The following OSBP2 variants were observed in gnomAD, a reference collection of about 807,000 sequenced individuals.
The protein encoded by OSBP2 is oxysterol-binding protein 2.
A neutral mutation model predicts 96.0 loss-of-function variants in OSBP2; 66 were observed. The ratio of observed to expected loss-of-function variants is 0.69; its 90% CI spans 0.56 to 0.84. The LOEUF (loss-of-function observed/expected upper bound fraction) is 0.84. Among genes scored for constraint, OSBP2 ranks in the 40% least tolerant of loss-of-function variants. The probability of loss-of-function intolerance (pLI) is 0.00; values close to 1 mark genes in which losing one functional copy is unlikely to be tolerated. For synonymous variants in OSBP2, 525 were observed against 520.9 expected, an observed-to-expected ratio of 1.01 and a Z score of -0.11; for missense variants, 1,038 against 1,222.7, an observed-to-expected ratio of 0.85 and a Z score of 2.25.
chr22:30,707,893 C>CTTT (rs978279814), intron 1 of OSBP2, among the ~76,000 whole-genome samples: 3 of 144,956 alleles, frequency 2.1e-5, no homozygotes, highest in Admixed American at 1.4e-4. Context: ...TTTCTTTTTT[C>CTTT]TTTTTTTTTT....
rs2091087740 is a variant in OSBP2, at chr22:30,816,669, GC to G, written c.854-53758del. On this transcript the variant is annotated intron_variant, in intron 2 of 13. Transcript: ENST00000332585. ...GCAGAGGGCACGTGTGGACAGTCAG[GC>G]CTAGGCACCACCCCTAGCTTTTCCC... 2.0e-5 allele frequency among the ~76,000 whole-genome samples: 3 copies of G among 152,180 alleles called. No homozygotes were observed. In the South Asian group the frequency reaches 6.2e-4, roughly 31 times the overall value.
chr22:30,706,933 T>A lies in OSBP2; in HGVS notation c.644+11380T>A, dbSNP rs555406861. Among the ~76,000 whole-genome samples the A allele has an allele frequency of 2.0e-5, 3 of 152,274 alleles. No homozygotes were observed. In the East Asian group the frequency reaches 5.8e-4, roughly 29 times the overall value. ...TCCTTCTTCTGGATGCCTTTTTGTG[T>A]ATTTCATTTGGCCATGCACCCCATC... On this transcript the variant is annotated intron_variant, in intron 1 of 13. Coordinates refer to ENST00000332585, the MANE Select transcript of OSBP2 (RefSeq NM_030758.4).
At chr22:30,893,268 G>A (rs778968729) in intron 9 of OSBP2, 26 bp downstream of exon 9, 1 of 1,613,812 alleles carries the variant, frequency 6.2e-7, no homozygotes, top group South Asian at 1.1e-5. Flanking sequence ...GTGCCTTCCT[G>A]GGACACAGAG....
At chr22:30,872,619 C>T (rs2039482175) in intron 3 of OSBP2, 2 of 353,314 alleles carry the variant, frequency 5.7e-6, no homozygotes, top group Admixed American at 3.8e-5. Context: ...GAAGCTGTGC[C>T]CTGGGCTGGG....
intron 2 of OSBP2, among the ~76,000 whole-genome samples, chr22:30,815,264 CAG>C (rs1283870198): frequency 3.9e-5 from 6 of 152,192 alleles, no homozygotes; most frequent in Non-Finnish European, 7.3e-5. Context: ...GCCTGGGTAA[CAG>C]AGTGAGACCT....
At chr22:30,725,562 A>AC (rs913331559) in intron 1 of OSBP2, among the ~76,000 whole-genome samples, 8 of 149,220 alleles carry the variant, frequency 5.4e-5, no homozygotes, top group African/African-American at 2.0e-4. Context: ...AAAAACACAC[A>AC]AAAAAAACAA....
chr22:30,878,582 G>T (rs1210388158), intron 3 of OSBP2, among the ~76,000 whole-genome samples: 1 of 152,204 alleles, frequency 6.6e-6, no homozygotes, highest in African/African-American at 2.4e-5. Context: ...CAGTGAGTGG[G>T]CAGAGCTAGC....
chr22:30,776,454 A>G (rs557347243), intron 2 of OSBP2, among the ~76,000 whole-genome samples: 243 of 152,200 alleles, frequency 1.6e-3, no homozygotes, highest in African/African-American at 5.4e-3. Flanking sequence ...GGTGCATGAT[A>G]TTTCATTAAA....
intron 3 of OSBP2, among the ~76,000 whole-genome samples, chr22:30,878,800 G>A (rs1375807325): frequency 6.6e-6 from 1 of 152,160 alleles, no homozygotes; most frequent in Non-Finnish European, 1.5e-5. Context: ...ACATCCTGAT[G>A]GCAAGGACAT....
chr22:30,892,732 C>G (rs537187887), intron 8 of OSBP2, among the ~76,000 whole-genome samples: 1 of 152,148 alleles, frequency 6.6e-6, no homozygotes, highest in Non-Finnish European at 1.5e-5. Flanking sequence ...CTTGGTATAA[C>G]ATGGCACAGC....
At chr22:30,704,014 T>C (rs1429861215) in intron 1 of OSBP2, among the ~76,000 whole-genome samples, 1 of 152,142 alleles carries the variant, frequency 6.6e-6, no homozygotes, top group Non-Finnish European at 1.5e-5. Flanking sequence ...TGGAAGCACA[T>C]GAACAGCACG....
intron 2 of OSBP2, among the ~76,000 whole-genome samples, chr22:30,827,909 G>A (rs1449589223): frequency 6.6e-6 from 1 of 152,218 alleles, no homozygotes; most frequent in Non-Finnish European, 1.5e-5. Context: ...TCAAGGAAGA[G>A]AGATGACTTT....
At chr22:30,826,293 A>T (rs1262699915) in intron 2 of OSBP2, among the ~76,000 whole-genome samples, 1 of 152,148 alleles carries the variant, frequency 6.6e-6, no homozygotes, top group Non-Finnish European at 1.5e-5. Flanking sequence ...GCCTGAAGCA[A>T]GGGACTGGCT....
At chr22:30,745,424 C>A (rs1410150072) in intron 2 of OSBP2, among the ~76,000 whole-genome samples, 1 of 152,082 alleles carries the variant, frequency 6.6e-6, no homozygotes, top group East Asian at 1.9e-4. Flanking sequence ...CTTTGGGAGG[C>A]CAAGGTGGGC....
intron 2 of OSBP2, among the ~76,000 whole-genome samples, chr22:30,832,213 C>T (rs1397658665): frequency 6.6e-6 from 1 of 152,130 alleles, no homozygotes; most frequent in Non-Finnish European, 1.5e-5. Flanking sequence ...CACTGAAGTC[C>T]TTAATGTATC....
intron 8 of OSBP2, among the ~76,000 whole-genome samples, chr22:30,892,194 G>A (rs62238090): frequency 5.3e-5 from 8 of 152,154 alleles, no homozygotes; most frequent in African/African-American, 1.9e-4. Context: ...TAGAGGAGGA[G>A]CATGAGGAGG....
chr22:30,810,401 A>G (rs2090990310), intron 2 of OSBP2, among the ~76,000 whole-genome samples: 1 of 152,058 alleles, frequency 6.6e-6, no homozygotes, highest in Admixed American at 6.5e-5. Flanking sequence ...GACACCCTCT[A>G]TCCATTTCTG....
At chr22:30,824,891 A>G (rs1247538879) in intron 2 of OSBP2, among the ~76,000 whole-genome samples, 1 of 152,160 alleles carries the variant, frequency 6.6e-6, no homozygotes, top group Non-Finnish European at 1.5e-5. Context: ...ATGGGCCTCT[A>G]TTCTGGAGGT....
rs191624366 is a variant in OSBP2 at position 30,740,585 on chromosome 22, C to G, written c.645-576C>G. On this transcript the variant is annotated intron_variant, in intron 1 of 13. Transcript: ENST00000332585. Reference sequence around the variant, plus strand: ...GCCTATGCCCAGGAATGAACAAAGACAGCTTGGAGGTTAGAAGCAAGATGG... The same window carrying G: ...GCCTATGCCCAGGAATGAACAAAGAGAGCTTGGAGGTTAGAAGCAAGATGG... Among the ~76,000 whole-genome samples the G allele has an allele frequency of 2.3e-4, 35 of 152,316 alleles. No homozygotes were observed. The Middle Eastern group carries it at 0.01, about 44-fold the overall frequency.
Sources: allele counts gnomAD v4.1 joint callset (sites outside exome capture counted in the v4.1 genomes callset), GRCh38; gene constraint gnomAD v4.1.1; transcripts MANE v1.5; gene names NCBI Gene and HGNC (gene_info 2026-07-23, HGNC 2026-07-21).